Variants in ETFA observed in about 807,000 individuals in gnomAD.
ETFA encodes the protein electron transfer flavoprotein subunit alpha, mitochondrial.
ETFA carries 22 observed loss-of-function variants against 46.2 expected under a neutral mutation model. The observed-to-expected ratio is 0.48, with a 90% CI of 0.34 to 0.68. The LOEUF (loss-of-function observed/expected upper bound fraction) is 0.68, where lower values mean the gene tolerates loss of function less well. Among genes scored for constraint, ETFA ranks in the 30% least tolerant of loss-of-function variants. The probability of loss-of-function intolerance (pLI) is 0.01; values close to 1 mark genes in which losing one functional copy is unlikely to be tolerated. For synonymous variants in ETFA, 131 were observed against 139.9 expected (o/e 0.94, Z 0.45); for missense variants, 345 against 401.1 (o/e 0.86, Z 1.19).
At chr15:76,263,537 G>A (rs1324718265) in intron 9 of ETFA, among the ~76,000 whole-genome samples, 1 of 152,248 alleles carries the variant, frequency 6.6e-6, no homozygotes, top group Non-Finnish European at 1.5e-5. Flanking sequence ...TTACAAAGGG[G>A]AGTGAAAGTT....
At chr15:76,310,363 T>C (rs1169929287) in intron 1 of ETFA, among the ~76,000 whole-genome samples, 5 of 39,652 alleles carry the variant, frequency 1.3e-4, no homozygotes, top group Non-Finnish European at 1.8e-4. Context: ...AAAATATCCA[T>C]GCCCAGAAAA....
At chr15:76,217,557 T>C in intron 11 of ETFA, 1 of 445,930 alleles carries the variant, frequency 2.2e-6, no homozygotes, top group Non-Finnish European at 4.6e-6. Flanking sequence ...CTGAGTTGGC[T>C]CCCATTTTAA....
At chr15:76,290,511 A>AT (rs560733758) in intron 4 of ETFA, among the ~76,000 whole-genome samples, 105 of 146,510 alleles carry the variant, frequency 7.2e-4, no homozygotes, top group East Asian at 1.6e-3. Flanking sequence ...CACTCAGCTA[A>AT]TTTTTTTTTT....
At chr15:76,252,876 T>TATACACACAC (rs145963419) in intron 9 of ETFA, among the ~76,000 whole-genome samples, 1 of 147,492 alleles carries the variant, frequency 6.8e-6, no homozygotes, top group African/African-American at 2.5e-5. Flanking sequence ...TGTATGTGTA[T>TATACACACAC]ACACACACAC....
At chr15:76,238,450 G>T (rs2039149696) in intron 9 of ETFA, among the ~76,000 whole-genome samples, 1 of 152,136 alleles carries the variant, frequency 6.6e-6, no homozygotes, top group African/African-American at 2.4e-5. Context: ...AGAATTCAGA[G>T]ATCCAATGTT....
At chr15:76,239,440 C>G (rs2141471682) in intron 9 of ETFA, among the ~76,000 whole-genome samples, 1 of 152,148 alleles carries the variant, frequency 6.6e-6, no homozygotes, top group Admixed American at 6.5e-5. Context: ...AGTATACAAT[C>G]CACTCTTATT....
At chr15:76,222,557 C>T (rs1036124771) in intron 11 of ETFA, among the ~76,000 whole-genome samples, 6 of 152,138 alleles carry the variant, frequency 3.9e-5, no homozygotes, top group Admixed American at 2.6e-4. Flanking sequence ...GTCAAAGGTG[C>T]GATTTTTACT....
intron 1 of ETFA, among the ~76,000 whole-genome samples, chr15:76,301,476 C>T (rs777916136): frequency 5.3e-5 from 8 of 152,134 alleles, no homozygotes; most frequent in Non-Finnish European, 7.3e-5. Context: ...TTTGGGAGGC[C>T]GAGGCCGATG....
intron 7 of ETFA, 87 bp from the exon 8 acceptor site, chr15:76,283,912 T>C (rs2039680059): frequency 1.1e-6 from 1 of 902,910 alleles, no homozygotes; most frequent in African/African-American, 1.7e-5. Context: ...TGGAGTAAAT[T>C]TTCATATTAT....
chr15:76,241,801 C>CAAAA (rs1165964434), intron 9 of ETFA, among the ~76,000 whole-genome samples: 6 of 30,572 alleles, frequency 2.0e-4, no homozygotes, highest in African/African-American at 6.7e-4. Flanking sequence ...GACTCCATCT[C>CAAAA]AAAAAAAAAA....
chr15:76,252,742 T>C (rs2039310828), intron 9 of ETFA, among the ~76,000 whole-genome samples: 1 of 152,078 alleles, frequency 6.6e-6, no homozygotes. Context: ...ACTGACAAAA[T>C]TGGGATATGG....
Position 76,287,932 on chromosome 15 carries a change from C to T in ETFA, c.365G>A (p.Arg122Lys), listed in dbSNP as rs773865838. The part of the protein sequence containing the change: ...ASAFGKNLLP[R>K]VAAKLEVAPI... ...GGCAACCTCAAGTTTGGCTGCTACT[C>T]TGGGCAAAAGGTTCTAAAAGCAAAA... Residue 122 changes from arginine (R) to lysine (K), a missense_variant, in exon 5 of 12, where the codon AGA (arginine) becomes AAA (lysine). Coordinates refer to ENST00000557943, the MANE Select transcript of ETFA (RefSeq NM_000126.4). 6 of 1,613,740 alleles carry T rather than the reference C, an allele frequency of 3.7e-6. No individual in the cohort carries two copies. In the East Asian group the frequency reaches 8.9e-5, roughly 24 times the overall value.
intron 1 of ETFA, among the ~76,000 whole-genome samples, chr15:76,306,132 TCTAA>T (rs1236389772): frequency 6.6e-6 from 1 of 152,100 alleles, no homozygotes; most frequent in Non-Finnish European, 1.5e-5. Flanking sequence ...AAAGCTGGAA[TCTAA>T]CTCTCTACCC....
At chr15:76,310,324 C>T (rs1428764762) in intron 1 of ETFA, among the ~76,000 whole-genome samples, 1 of 129,406 alleles carries the variant, frequency 7.7e-6, no homozygotes, top group Non-Finnish European at 1.6e-5. Flanking sequence ...AGCTATGCCT[C>T]AGAGAGAAAA....
intron 9 of ETFA, among the ~76,000 whole-genome samples, chr15:76,234,643 T>C (rs1407693769): frequency 6.6e-6 from 1 of 152,026 alleles, no homozygotes; most frequent in Non-Finnish European, 1.5e-5. Context: ...CCTCGTGGCT[T>C]TAGAATCTAG....
At position 76,259,439 on chromosome 15, in the gene ETFA, C is replaced by G. The variant is rs1208315011; in HGVS notation, c.816+14973G>C. The G allele has an allele frequency of 9.8e-6, 10 of 1,018,340 alleles. No individual in the cohort carries two copies. The East Asian group carries it at 2.4e-4, about 24-fold the overall frequency. 63.1% of individuals were successfully genotyped at this position (1,018,340 alleles called of 1,614,324 possible). Reference sequence around the variant, plus strand: ...GATGGAGTGGGAGTGTAAGAACGTCCTCCATACACTCTGGAAGCTGTTTCA... The same window carrying G: ...GATGGAGTGGGAGTGTAAGAACGTCGTCCATACACTCTGGAAGCTGTTTCA... On this transcript the variant is annotated intron_variant, in intron 9 of 11. Transcript: ENST00000557943.
At chr15:76,294,580 C>A (rs533912237) in intron 2 of ETFA, among the ~76,000 whole-genome samples, 1 of 152,182 alleles carries the variant, frequency 6.6e-6, no homozygotes, top group Non-Finnish European at 1.5e-5. Context: ...GACACAGTCT[C>A]ACTTTGTCAC....
At chr15:76,278,107 C>T (rs2039613999) in intron 8 of ETFA, among the ~76,000 whole-genome samples, 1 of 152,196 alleles carries the variant, frequency 6.6e-6, no homozygotes, top group Non-Finnish European at 1.5e-5. Flanking sequence ...AAAAGACCTA[C>T]ACTAGTCTTA....
At chr15:76,261,586 G>A (rs996718633) in intron 9 of ETFA, 83 of 518,168 alleles carry the variant, frequency 1.6e-4, no homozygotes, top group South Asian at 5.6e-4. Context: ...CTGCAGCTGC[G>A]GACTCTGGGA....
Sources: allele counts gnomAD v4.1 joint callset (sites outside exome capture counted in the v4.1 genomes callset), GRCh38; gene constraint gnomAD v4.1.1; transcripts MANE v1.5; gene names NCBI Gene and HGNC (gene_info 2026-07-23, HGNC 2026-07-21).